Variants in KLHL3 observed in about 807,000 individuals in gnomAD.
The protein encoded by KLHL3 is kelch like family member 3.
Under a neutral mutation model 70.5 loss-of-function variants are expected in KLHL3, and 19 were observed. The observed-to-expected ratio is 0.27, with a 90% CI of 0.19 to 0.40. KLHL3 has a LOEUF of 0.40. KLHL3 is among the 10% of genes least tolerant of loss of function. The pLI, the probability that KLHL3 is intolerant of heterozygous loss-of-function variation, is 1.00. For synonymous variants in KLHL3, 258 were observed against 290.3 expected, an observed-to-expected ratio of 0.89 and a Z score of 1.13; for missense variants, 512 against 771.1, an observed-to-expected ratio of 0.66 and a Z score of 3.98.
intron 1 of KLHL3, among the ~76,000 whole-genome samples, chr5:137,727,515 C>T (rs1229331648): frequency 6.6e-6 from 1 of 152,088 alleles, no homozygotes; most frequent in Non-Finnish European, 1.5e-5. Flanking sequence ...CCATCGTTGC[C>T]CTGAAGACTT....
intron 3 of KLHL3, chr5:137,706,558 C>G (rs1752689464): frequency 6.1e-6 from 1 of 165,018 alleles, no homozygotes; most frequent in Admixed American, 6.5e-5. Flanking sequence ...TTCTAGGAAT[C>G]TATTCTAGTA....
At chr5:137,689,170 G>A (rs979609931) in intron 5 of KLHL3, among the ~76,000 whole-genome samples, 1 of 152,176 alleles carries the variant, frequency 6.6e-6, no homozygotes, top group African/African-American at 2.4e-5. Flanking sequence ...TTATTAAAAA[G>A]TCAAAAAACA....
rs115505634 is a variant in KLHL3, at chr5:137,726,395, A to G, written c.15-5811T>C. ...CTCAAATATTTACTAAGTACCTATT[A>G]TGTGCCAAGCAGATGAACCGTTCAC... On this transcript the variant is annotated intron_variant, in intron 1 of 14. Coordinates refer to ENST00000309755, the MANE Select transcript of KLHL3 (RefSeq NM_017415.3). Among the ~76,000 whole-genome samples, 102 of 152,246 alleles carry G rather than the reference A, an allele frequency of 6.7e-4. 1 individual carries two copies. The highest frequency in any genetic ancestry group is 2.4e-3 in the African/African-American group (101 of 41,552).
chr5:137,658,372 C>T, intron 7 of KLHL3, 92 bp from the exon 8 acceptor site: 2 of 1,176,552 alleles, frequency 1.7e-6, no homozygotes, highest in East Asian at 2.3e-5. Flanking sequence ...TGCACTCCCA[C>T]ACTCATTCAT....
At chr5:137,693,280 T>A (rs1051530793) in intron 4 of KLHL3, among the ~76,000 whole-genome samples, 12 of 152,194 alleles carry the variant, frequency 7.9e-5, no homozygotes, top group African/African-American at 2.9e-4. Flanking sequence ...TTTAGGTACA[T>A]TCTTAGAGAA....
Position 137,621,979 on chromosome 5 carries a change from G to T in KLHL3, c.*119C>A. On this transcript the variant is annotated 3_prime_UTR_variant, in exon 15 of 15. Transcript: ENST00000309755. Reference sequence around the variant, plus strand: ...CCAGTCTGCCAAGTCAGAGGAGAGCGGTTCTCACAGCAGCACAGACCCTCC... The same window carrying T: ...CCAGTCTGCCAAGTCAGAGGAGAGCTGTTCTCACAGCAGCACAGACCCTCC... The T allele has an allele frequency of 9.8e-7, 1 of 1,018,474 alleles. No individual in the cohort carries two copies. The highest frequency in any genetic ancestry group is 1.6e-6 in the Non-Finnish European group (1 of 640,988). 63.1% of individuals were successfully genotyped at this position (1,018,474 alleles called of 1,614,324 possible).
intron 8 of KLHL3, among the ~76,000 whole-genome samples, chr5:137,655,833 G>GA: frequency 6.6e-6 from 1 of 151,126 alleles, no homozygotes; most frequent in South Asian, 2.1e-4. Flanking sequence ...AAAATTAAAA[G>GA]AAAAAAAATT....
At chr5:137,698,560 C>G in intron 3 of KLHL3, 152 bp from the exon 4 acceptor site, 1 of 857,094 alleles carries the variant, frequency 1.2e-6, no homozygotes, top group Non-Finnish European at 1.8e-6. Flanking sequence ...AGAGGATAAA[C>G]CAGGTAACAT....
intron 14 of KLHL3, among the ~76,000 whole-genome samples, chr5:137,624,943 CT>C (rs1279226166): frequency 1.3e-5 from 2 of 152,198 alleles, no homozygotes; most frequent in East Asian, 3.8e-4. Context: ...TACTCTAAGG[CT>C]TACCCTGAGC....
chr5:137,676,051 G>A (rs1033246589), intron 6 of KLHL3, among the ~76,000 whole-genome samples: 1 of 152,166 alleles, frequency 6.6e-6, no homozygotes, highest in African/African-American at 2.4e-5. Context: ...TTTAAGGCAG[G>A]AAGGGTCCTA....
intron 1 of KLHL3, among the ~76,000 whole-genome samples, chr5:137,733,353 T>TA (rs1753210071): frequency 6.6e-6 from 1 of 152,240 alleles, no homozygotes; most frequent in African/African-American, 2.4e-5. Context: ...ACTTTCTTTT[T>TA]AGTTATCAGA....
chr5:137,689,691 G>A (rs551769511), intron 5 of KLHL3, among the ~76,000 whole-genome samples: 2 of 152,354 alleles, frequency 1.3e-5, no homozygotes, highest in East Asian at 3.9e-4. Flanking sequence ...GGCAAGGGCT[G>A]ATAAATTTCC....
At position 137,639,650 on chromosome 5, in the gene KLHL3, T is replaced by C. The variant is rs573210727; in HGVS notation, c.1021+210A>G. ...CAGACGTTGCAGTGAGCCGAGATCA[T>C]GACACTGCACTCCAACCTGGGTGAC... On this transcript the variant is annotated intron_variant, in intron 9 of 14. Coordinates refer to ENST00000309755, the MANE Select transcript of KLHL3 (RefSeq NM_017415.3). This position sits in a 1 kb window ranked among gnomAD's most constrained non-coding sequence, Gnocchi z 5.0. 2.0e-5 allele frequency among the ~76,000 whole-genome samples: 3 copies of C among 149,008 alleles called. No individual in the cohort carries two copies. The Admixed American group carries it at 2.0e-4, about 10-fold the overall frequency.
At chr5:137,709,906 C>A (rs1752760607) in intron 2 of KLHL3, 50 bp from the exon 3 acceptor site, 1 of 1,408,856 alleles carries the variant, frequency 7.1e-7, no homozygotes, top group African/African-American at 1.4e-5. Flanking sequence ...AGGACACCTA[C>A]CCTCATCTTA....
Position 137,712,929 on chromosome 5 carries a change from A to T in KLHL3, c.135-3073T>A, listed in dbSNP as rs562052725. Among the ~76,000 whole-genome samples, 8 of 152,282 alleles carry T rather than the reference A, an allele frequency of 5.3e-5. No homozygotes were observed. The East Asian group carries it at 5.8e-4, about 11-fold the overall frequency. ...TTAACTTTTCATATTTTGAAAAAAA[A>T]TTTTAAAAAAATGGTTTTTTTTCAA... On this transcript the variant is annotated intron_variant, in intron 2 of 14. Coordinates refer to ENST00000309755, the MANE Select transcript of KLHL3 (RefSeq NM_017415.3).
rs572371743 is a variant in KLHL3 at position 137,682,196 on chromosome 5, C to G, written c.527-4542G>C. Among the ~76,000 whole-genome samples the G allele has an allele frequency of 9.9e-4, 150 of 151,842 alleles. 1 individual carries two copies. The highest frequency in any genetic ancestry group is 3.5e-3 in the African/African-American group (146 of 41,300). On this transcript the variant is annotated intron_variant, in intron 5 of 14. Transcript: ENST00000309755. ...TTTTACAGATGGAGAAACAGAAGCC[C>G]AGAAACTCTAAGACAGGTGCTTAGG... is the stretch of plus-strand genomic sequence containing the variant.
chr5:137,663,500 C>CTT (rs966673632), intron 6 of KLHL3, among the ~76,000 whole-genome samples: 8 of 151,192 alleles, frequency 5.3e-5, no homozygotes, highest in Admixed American at 4.6e-4. Context: ...ACTTTAAATA[C>CTT]TTTAAATATA....
In KLHL3 at chr5:137,665,094, G is replaced by A. The variant is rs560751645; in HGVS notation, c.637-3063C>T. Among the ~76,000 whole-genome samples, 49 of 152,156 alleles carry A rather than the reference G, an allele frequency of 3.2e-4. 1 individual carries two copies. The South Asian group carries it at 9.5e-3, about 30-fold the overall frequency. On this transcript the variant is annotated intron_variant, in intron 6 of 14. Transcript: ENST00000309755. ...AACCTGAATCTTACGGTGAGGAAAC[G>A]ATCAGACAACTCTATGTTTGCAACA...
chr5:137,648,318 A>G (rs1419342393), intron 8 of KLHL3, among the ~76,000 whole-genome samples: 1 of 152,256 alleles, frequency 6.6e-6, no homozygotes, highest in Non-Finnish European at 1.5e-5. Flanking sequence ...TACTGAAAGC[A>G]GGACAGCCCA....
Sources: gnomAD v4.1 joint callset for allele counts (sites outside exome capture counted in the v4.1 genomes callset) on GRCh38, gnomAD v4.1.1 for gene constraint, Gnocchi (gnomAD v3.1) non-coding constraint, MANE v1.5 for transcripts, NCBI Gene and HGNC (gene_info 2026-07-23, HGNC 2026-07-21) for gene names.